GALNT9: variants seen among roughly 807,000 people sequenced by gnomAD.
GALNT9 encodes the protein polypeptide N-acetylgalactosaminyltransferase 9.
A neutral mutation model predicts 63.1 loss-of-function variants in GALNT9; 47 were observed. That is an observed-to-expected ratio of 0.75 (90% CI 0.59 to 0.95). GALNT9 has a LOEUF of 0.95. Ranked by LOEUF, GALNT9 falls within the 40% of genes least tolerant of loss-of-function variation. GALNT9 has a pLI of 0.00. For synonymous variants in GALNT9, 396 were observed against 365.7 expected, an observed-to-expected ratio of 1.08 and a Z score of -0.94; for missense variants, 829 against 874.8, an observed-to-expected ratio of 0.95 and a Z score of 0.66.
At position 132,203,570 on chromosome 12, in the gene GALNT9, C is replaced by T. The variant is rs11246991; in HGVS notation, c.1198G>A (p.Ala400Thr). ...AAGTCATCCATCCACACCTCGGCGGCGCGCAGGGCGTTGCGCTTGGCATAG... is the reference window on the plus strand; with the variant it reads ...AAGTCATCCATCCACACCTCGGCGGTGCGCAGGGCGTTGCGCTTGGCATAG... ...DYYAKRNALR[A>T]AEVWMDDFKS... Residue 400 changes from alanine (A) to threonine (T), a missense_variant, in exon 7 of 11, where the codon GCC becomes ACC. By Grantham distance (58) the Ala-to-Thr change is moderately conservative. Transcript: ENST00000328957. 200,203 of 1,613,728 alleles carry T rather than the reference C, an allele frequency of 0.12. 13,831 individuals carry two copies. Among genetic ancestry groups the T allele is most frequent in the Middle Eastern group, 0.18 (1,068 of 6,058 alleles).
At chr12:132,322,337 C>CCG (rs1868839069) in intron 1 of GALNT9, among the ~76,000 whole-genome samples, 1 of 152,228 alleles carries the variant, frequency 6.6e-6, no homozygotes, top group South Asian at 2.1e-4. Flanking sequence ...CTGCTCAGGC[C>CCG]CGCGTCCTCA....
chr12:132,278,502 C>T (rs1437563631), intron 2 of GALNT9: 2 of 152,168 alleles, frequency 1.3e-5, no homozygotes, highest in South Asian at 2.1e-4. Context: ...CAGACCCGGA[C>T]CCCACTGTCC....
chr12:132,318,415 G>A (rs1868619094), intron 1 of GALNT9, among the ~76,000 whole-genome samples: 1 of 152,148 alleles, frequency 6.6e-6, no homozygotes, highest in South Asian at 2.1e-4. Context: ...GGCCCTAAGA[G>A]CACCTGCCCT....
At chr12:132,218,624 G>A (rs893077619) in intron 6 of GALNT9, among the ~76,000 whole-genome samples, 1 of 152,194 alleles carries the variant, frequency 6.6e-6, no homozygotes, top group African/African-American at 2.4e-5. Context: ...CACATGCCTC[G>A]TTCTGCAGCA....
intron 6 of GALNT9, among the ~76,000 whole-genome samples, chr12:132,217,109 A>T (rs1398156422): frequency 6.6e-6 from 1 of 152,092 alleles, no homozygotes; most frequent in East Asian, 1.9e-4. Context: ...TGATAGAATG[A>T]CCCACTCATC....
intron 6 of GALNT9, among the ~76,000 whole-genome samples, chr12:132,207,103 C>G (rs1210523196): frequency 1.3e-5 from 2 of 152,214 alleles, no homozygotes; most frequent in East Asian, 1.9e-4. Flanking sequence ...ATGTCACCAT[C>G]AAGTCTTCAG....
intron 2 of GALNT9, chr12:132,283,976 G>C (rs1353877512): frequency 1.3e-5 from 2 of 152,204 alleles, no homozygotes; most frequent in East Asian, 3.9e-4. Context: ...TCACAGCCAA[G>C]AACGGTGCTC....
chr12:132,230,901 T>C (rs1877866041), intron 6 of GALNT9, among the ~76,000 whole-genome samples: 1 of 152,260 alleles, frequency 6.6e-6, no homozygotes, highest in Non-Finnish European at 1.5e-5. Flanking sequence ...TCGGGACGTC[T>C]TGGTGAGACT....
chr12:132,286,779 T>G lies in GALNT9; in HGVS notation c.239-349A>C, dbSNP rs1880611776. Among the ~76,000 whole-genome samples, 3 of 152,264 alleles carry G rather than the reference T, an allele frequency of 2.0e-5. No homozygotes were observed. The South Asian group carries it at 6.2e-4, about 32-fold the overall frequency. ...CCCAGGCTGCAGTGCAGTGGCATGA[T>G]CTCAGCTCACTGCAGCCTGGACCTC... On this transcript the variant is annotated intron_variant, in intron 1 of 10. Transcript: ENST00000328957. This position sits in a 1 kb window ranked among gnomAD's most constrained non-coding sequence, Gnocchi z 7.4.
intron 1 of GALNT9, among the ~76,000 whole-genome samples, chr12:132,304,610 C>T (rs1421051844): frequency 2.4e-5 from 1 of 41,138 alleles, no homozygotes; most frequent in Non-Finnish European, 4.4e-5. Context: ...GGCACAGCCT[C>T]ACCCGGGCAC....
chr12:132,317,712 C>T (rs1555245827), intron 1 of GALNT9, among the ~76,000 whole-genome samples: 1 of 152,210 alleles, frequency 6.6e-6, no homozygotes, highest in East Asian at 1.9e-4. Flanking sequence ...TGCGCCCAGC[C>T]CTCCCCAGCT....
At chr12:132,239,655 GAGACAGAGAGAGAC>G (rs1878166613) in intron 6 of GALNT9, among the ~76,000 whole-genome samples, 1 of 150,730 alleles carries the variant, frequency 6.6e-6, no homozygotes, top group Admixed American at 6.6e-5. Flanking sequence ...GACAGAGTCA[GAGACAGAGAGAGAC>G]AGAGAGACAA....
chr12:132,226,646 AC>A (rs1232320517), intron 6 of GALNT9, among the ~76,000 whole-genome samples: 1 of 97,900 alleles, frequency 1.0e-5, no homozygotes, highest in Non-Finnish European at 2.0e-5. Context: ...CACCCCATGC[AC>A]CCCCATATAC....
rs1014950497 is a variant in GALNT9, at chr12:132,236,260, G to A, written c.1077+11650C>T. Among the ~76,000 whole-genome samples the A allele has an allele frequency of 2.6e-5, 4 of 152,016 alleles. No homozygotes were observed. The highest frequency in any genetic ancestry group is 4.8e-5 in the African/African-American group (2 of 41,370). ...AAATCAGCAATGACAGCCCCGACAG[G>A]CGGCTGGCGGGGAGCGGGTGGGGGC... On this transcript the variant is annotated intron_variant, in intron 6 of 10. Coordinates refer to ENST00000328957, the MANE Select transcript of GALNT9 (RefSeq NM_001122636.2). This position sits in a 1 kb window ranked among gnomAD's most constrained non-coding sequence, Gnocchi z 5.6.
chr12:132,326,157 C>T (rs1277524718), intron 1 of GALNT9, among the ~76,000 whole-genome samples: 1 of 152,106 alleles, frequency 6.6e-6, no homozygotes, highest in East Asian at 1.9e-4. Flanking sequence ...TTTGAATGCC[C>T]AGACAACTGA....
At chr12:132,198,225 CATGAA>C (rs1875688801) in intron 9 of GALNT9, among the ~76,000 whole-genome samples, 1 of 152,250 alleles carries the variant, frequency 6.6e-6, no homozygotes, top group African/African-American at 2.4e-5. Context: ...GGACAGACGT[CATGAA>C]TGTGGCTCAG....
rs1352535396 is a variant in GALNT9, at chr12:132,327,036, G to A, written c.238+1930C>T. Among the ~76,000 whole-genome samples, 5 of 152,172 alleles carry A rather than the reference G, an allele frequency of 3.3e-5. No individual in the cohort carries two copies. Among genetic ancestry groups the A allele is most frequent in the East Asian group, 1.9e-4 (1 of 5,182 alleles). ...GTGCCTGGCCTGCTGGTCACAGAGA[G>A]GAACGCAGCACAGCCTCATCACAGA... is the stretch of plus-strand genomic sequence containing the variant. On this transcript the variant is annotated intron_variant, in intron 1 of 10. Coordinates refer to ENST00000328957, the MANE Select transcript of GALNT9 (RefSeq NM_001122636.2). The surrounding 1 kb of genome is among the most constrained non-coding windows in gnomAD (Gnocchi z 4.3).
At chr12:132,326,050 G>A (rs1555246501) in intron 1 of GALNT9, among the ~76,000 whole-genome samples, 1 of 152,260 alleles carries the variant, frequency 6.6e-6, no homozygotes, top group African/African-American at 2.4e-5. Flanking sequence ...GGACACAGGG[G>A]TAGGCCCTGC....
intron 1 of GALNT9, among the ~76,000 whole-genome samples, chr12:132,292,218 G>A (rs79764816): frequency 0.085 from 12,889 of 152,094 alleles, 621 homozygotes; most frequent in Non-Finnish European, 0.1. Context: ...TCCCCTCAAC[G>A]TGCAAGAGAC....
Sources: gnomAD v4.1 joint callset for allele counts (sites outside exome capture counted in the v4.1 genomes callset) on GRCh38, gnomAD v4.1.1 for gene constraint, Gnocchi (gnomAD v3.1) non-coding constraint, MANE v1.5 for transcripts, NCBI Gene and HGNC (gene_info 2026-07-23, HGNC 2026-07-21) for gene names.